MYH7: variants seen among roughly 807,000 people sequenced by gnomAD.
MYH7 encodes the protein myosin heavy chain 7.
In MYH7, 129 loss-of-function variants were observed where a neutral mutation model predicts 225.4. The ratio of observed to expected loss-of-function variants is 0.57; its 90% CI spans 0.50 to 0.66. The LOEUF (loss-of-function observed/expected upper bound fraction) is 0.66, where lower values mean the gene tolerates loss of function less well. Ranked by LOEUF, MYH7 falls within the 30% of genes least tolerant of loss-of-function variation. The pLI, the probability that MYH7 is intolerant of heterozygous loss-of-function variation, is 0.00. For synonymous variants in MYH7, 971 were observed against 1,007.6 expected (o/e 0.96, Z 0.69); for missense variants, 1,649 against 2,517.0 (o/e 0.66, Z 7.38).
chr14:23,434,370 G>A (rs1185284589), intron 1 of MYH7, 121 bp from the exon 2 acceptor site: 1 of 626,498 alleles, frequency 1.6e-6, no homozygotes, highest in Non-Finnish European at 2.0e-6. Flanking sequence ...AGGTGGAAAG[G>A]GTGGTCAGCT....
Position 23,425,878 on chromosome 14 carries a change from A to C in MYH7, c.2163-60T>G, listed in dbSNP as rs1892677551. The C allele has an allele frequency of 6.2e-7, 1 of 1,613,084 alleles. No homozygotes were observed. Among genetic ancestry groups the C allele is most frequent in the Admixed American group, 1.7e-5 (1 of 60,020 alleles). On this transcript the variant is annotated intron_variant, in intron 19 of 39. Transcript: ENST00000355349. This position sits in a 1 kb window ranked among gnomAD's most constrained non-coding sequence, Gnocchi z 4.6. Reference sequence around the variant, plus strand: ...TGCAGTGATCTGCTCTGCCCATAGAATTCCAGGGTCACCTGCAGATCCCAT... The same window carrying C: ...TGCAGTGATCTGCTCTGCCCATAGACTTCCAGGGTCACCTGCAGATCCCAT...
At position 23,433,399 on chromosome 14, in the gene MYH7, G is replaced by A; in HGVS notation, c.201+133C>T. On this transcript the variant is annotated intron_variant, in intron 3 of 39. Coordinates refer to ENST00000355349, the MANE Select transcript of MYH7 (RefSeq NM_000257.4). The surrounding 1 kb of genome is among the most constrained non-coding windows in gnomAD (Gnocchi z 4.1). ...AGGAGAGGGCTCTTTGGAGGGTCTG[G>A]ATTCTTCCCCAAAGGGAAGGAGAAT... 1.4e-6 allele frequency: 2 copies of A among 1,425,674 alleles called. No homozygotes were observed. The highest frequency in any genetic ancestry group is 2.0e-6 in the Non-Finnish European group (2 of 1,024,332). 88.3% of individuals were successfully genotyped at this position (1,425,674 alleles called of 1,614,324 possible).
chr14:23,423,939 C>G lies in MYH7; in HGVS notation c.2890G>C (p.Val964Leu), dbSNP rs45496496. 1,343 of 1,614,220 alleles carry G rather than the reference C, an allele frequency of 8.3e-4. 1 individual carries two copies. Among genetic ancestry groups the G allele is most frequent in the Non-Finnish European group, 1.1e-3 (1,256 of 1,180,048 alleles). Residue 964 changes from valine (V) to leucine (L), a missense_variant, in exon 23 of 40, where the codon GTG (valine) becomes CTG (leucine). Val to Leu is a conservative substitution (Grantham distance 32). Coordinates refer to ENST00000355349, the MANE Select transcript of MYH7 (RefSeq NM_000257.4). The part of the protein sequence containing the change: ...IDDLELTLAK[V>L]EKEKHATENK... ...TCTGTTGCGTGTTTCTCCTTCTCCA[C>G]TTTGGCCAGTGTCAGCTCCAGATCA... is the stretch of plus-strand genomic sequence containing the variant.
chr14:23,416,334 G>A (rs372362265), intron 33 of MYH7, 22 bp from the exon 34 acceptor site: 2 of 1,609,724 alleles, frequency 1.2e-6, no homozygotes. Context: ...TTGGGGGAGG[G>A]GATGCAGGCA....
At chr14:23,418,643 G>A (rs1214712633) in intron 29 of MYH7, among the ~76,000 whole-genome samples, 2 of 152,212 alleles carry the variant, frequency 1.3e-5, no homozygotes, top group African/African-American at 2.4e-5. Context: ...CACCAGACAT[G>A]GTCATCATCA....
chr14:23,430,510 C>G, intron 11 of MYH7, 50 bp downstream of exon 11: 1 of 1,453,708 alleles, frequency 6.9e-7, no homozygotes, highest in Non-Finnish European at 9.6e-7. Context: ...CCCCTGTTTG[C>G]CCCTCACTGC....
Position 23,419,968 on chromosome 14 carries a change from G to A in MYH7, c.3603C>T (p.Ala1201=), listed in dbSNP as rs201576345. 1 of 1,606,416 alleles carries A rather than the reference G, an allele frequency of 6.2e-7. No individual in the cohort carries two copies. Among genetic ancestry groups the A allele is most frequent in the South Asian group, 1.1e-5 (1 of 90,902 alleles). Residue 1201 remains alanine (A), a synonymous_variant, in exon 27 of 40, where the codon GCC becomes GCT. Coordinates refer to ENST00000355349, the MANE Select transcript of MYH7 (RefSeq NM_000257.4). ...GGTTGTCGATCTGCTCGCCCAGCTC[G>A]GCCACGCTGTCGGCGTGCTTCTTGC... ...ALRKKHADSV[A]ELGEQIDNLQ... is the part of the protein sequence containing the mutation.
Position 23,420,044 on chromosome 14 carries a change from C to T in MYH7, c.3527G>A (p.Arg1176Gln). The change falls in exon 27 of 40, where the codon CGG becomes CAG. Residue 1176 changes from arginine (R) to glutamine (Q), a missense_variant. Arg to Gln is a conservative substitution (Grantham distance 43). Coordinates refer to ENST00000355349, the MANE Select transcript of MYH7 (RefSeq NM_000257.4). ...KREAEFQKMR[R>Q]DLEEATLQHE... ...CTGCAGCGTGGCCTCCTCCAGGTCC[C>T]GCCGCATCTTCTGGAACTCGGCCTC... is the stretch of plus-strand genomic sequence containing the variant. 6.3e-7 allele frequency: 1 copy of T among 1,580,868 alleles called. No individual in the cohort carries two copies. Among genetic ancestry groups the T allele is most frequent in the Non-Finnish European group, 8.6e-7 (1 of 1,159,596 alleles).
In MYH7 at chr14:23,426,101, G is replaced by A. The variant is rs773185645; in HGVS notation, c.2045-20C>T. ...TCACCCCTGTGGCAAGAAGGAAGTA[G>A]GAGGAGTCTGTGAGAACACTGGACT... On this transcript the variant is annotated intron_variant, in intron 18 of 39. Coordinates refer to ENST00000355349, the MANE Select transcript of MYH7 (RefSeq NM_000257.4). 8.1e-6 allele frequency: 13 copies of A among 1,613,696 alleles called. No individual in the cohort carries two copies. Among genetic ancestry groups the A allele is most frequent in the Non-Finnish European group, 1.1e-5 (13 of 1,179,748 alleles).
At chr14:23,419,342 C>T in intron 28 of MYH7, 47 bp from the exon 29 acceptor site, 2 of 1,612,780 alleles carry the variant, frequency 1.2e-6, no homozygotes, top group South Asian at 1.1e-5. Flanking sequence ...ATCCCCACCT[C>T]CTCCTCTAGC....
rs730880159 is a variant in MYH7 at position 23,429,031 on chromosome 14, T to A, written c.1331A>T (p.Asn444Ile). 1 of 1,614,190 alleles carries A rather than the reference T, an allele frequency of 6.2e-7. No homozygotes were observed. ...RMFNWMVTRI[N>I]ATLETKQPRQ... ...TGGCTGCTTGGTCTCCAGGGTGGCA[T>A]TGATGCGCGTCACCATCCAGTTGAA... The change falls in exon 14 of 40, where the codon AAT becomes ATT. Residue 444 changes from asparagine to isoleucine, a missense_variant. Transcript: ENST00000355349.
rs2284651 is a variant in MYH7 at position 23,412,935 on chromosome 14, T to C, written c.5791-64A>G. The C allele has an allele frequency of 0.37, 580,783 of 1,562,884 alleles. 115,125 individuals are homozygous for C. The highest frequency in any genetic ancestry group is 0.69 in the African/African-American group (51,093 of 73,942). Reference sequence around the variant, plus strand: ...GATGGTATTGGGCAGGGACAGGGCATGGGAACAAAGGTGAGAGGGGTCTGA... The same window carrying C: ...GATGGTATTGGGCAGGGACAGGGCACGGGAACAAAGGTGAGAGGGGTCTGA... On this transcript the variant is annotated intron_variant, in intron 39 of 39. Transcript: ENST00000355349.
At chr14:23,418,088 G>A (rs779398943) in intron 30 of MYH7, 122 bp downstream of exon 30, 2 of 1,433,980 alleles carry the variant, frequency 1.4e-6, no homozygotes, top group South Asian at 2.3e-5. Flanking sequence ...CCGGGGCAGA[G>A]TCCTCCTGTG....
rs138932714 is a variant in MYH7 at position 23,432,745 on chromosome 14, C to A, written c.396G>T (p.Pro132=). ...CAGCCACCACCTCAGGAGTGTACAC[C>A]GGCAGCCACTTGTAAGGGTTGACGG... ...CVTVNPYKWL[P]VYTPEVVAAY... is the part of the protein sequence containing the mutation. The change falls in exon 5 of 40, where the codon CCG becomes CCT. Residue 132 remains proline (P), a synonymous_variant. Transcript: ENST00000355349. The A allele has an allele frequency of 9.5e-5, 154 of 1,614,092 alleles. No homozygotes were observed. Among genetic ancestry groups the A allele is most frequent in the Admixed American group, 2.5e-4 (15 of 60,010 alleles).
At chr14:23,427,563 G>T in intron 16 of MYH7, 22 bp downstream of exon 16, 4 of 1,613,096 alleles carry the variant, frequency 2.5e-6, no homozygotes, top group Non-Finnish European at 3.4e-6. Flanking sequence ...CCTCTGTACC[G>T]GGAGCCTCAG....
In MYH7 at chr14:23,415,180, C is replaced by T. The variant is rs770389433; in HGVS notation, c.5374G>A (p.Asp1792Asn). 6.2e-7 allele frequency: 1 copy of T among 1,614,258 alleles called. No individual in the cohort carries two copies. Among genetic ancestry groups the T allele is most frequent in the South Asian group, 1.1e-5 (1 of 91,090 alleles). The part of the protein sequence containing the change: ...MKKNMEQTIK[D>N]LQHRLDEAEQ... ...GCTTCGTCCAGCCGGTGCTGCAGGT[C>T]CTTAATGGTCTGTTCCATGTTCTTC... Residue 1792 changes from aspartate to asparagine, a missense_variant, in exon 37 of 40, where the codon GAC becomes AAC. By Grantham distance (23) the Asp-to-Asn change is conservative (BLOSUM62 1). This residue lies in a region of MYH7 where 687 missense variants were observed against 913.8 expected (regional missense o/e 0.75). Transcript: ENST00000355349. The surrounding 1 kb of genome is among the most constrained non-coding windows in gnomAD (Gnocchi z 6.3).
rs760355636 is a variant in MYH7, at chr14:23,415,547, A to G, written c.5158-41T>C. Reference sequence around the variant, plus strand: ...GTTGGGCAGAGCAGGAAAAGCATTGAGCATCTATGCATAGCTCTCAAGCCT... The same window carrying G: ...GTTGGGCAGAGCAGGAAAAGCATTGGGCATCTATGCATAGCTCTCAAGCCT... On this transcript the variant is annotated intron_variant, in intron 35 of 39. Coordinates refer to ENST00000355349, the MANE Select transcript of MYH7 (RefSeq NM_000257.4). The surrounding 1 kb of genome is among the most constrained non-coding windows in gnomAD (Gnocchi z 6.3). The G allele has an allele frequency of 5.0e-6, 8 of 1,613,882 alleles. No homozygotes were observed. In the African/African-American group the frequency reaches 1.1e-4, roughly 22 times the overall value.
chr14:23,420,368 G>T, intron 26 of MYH7, 134 bp from the exon 27 acceptor site: 1 of 1,513,674 alleles, frequency 6.6e-7, no homozygotes, highest in Non-Finnish European at 8.9e-7. Context: ...GGAATTAAAG[G>T]ATTTGGGGAA....
rs779713933 is a variant in MYH7 at position 23,415,145 on chromosome 14, G to A, written c.5409C>T (p.Ile1803=). The A allele has an allele frequency of 1.2e-5, 19 of 1,614,178 alleles. No individual in the cohort carries two copies. In the South Asian group the frequency reaches 1.6e-4, roughly 14 times the overall value. Residue 1803 remains isoleucine, a synonymous_variant, in exon 37 of 40, where the codon ATC becomes ATT. Coordinates refer to ENST00000355349, the MANE Select transcript of MYH7 (RefSeq NM_000257.4). The surrounding 1 kb of genome is among the most constrained non-coding windows in gnomAD (Gnocchi z 6.3). ...LQHRLDEAEQ[I]ALKGGKKQLQ... ...GCTGCTTCTTGCCGCCCTTGAGGGC[G>A]ATCTGCTCGGCTTCGTCCAGCCGGT... is the stretch of plus-strand genomic sequence containing the variant.
Sources: gnomAD v4.1 joint callset for allele counts (sites outside exome capture counted in the v4.1 genomes callset) on GRCh38, gnomAD v4.1.1 for gene constraint, gnomAD v4.1.1 regional missense constraint, Gnocchi (gnomAD v3.1) non-coding constraint, MANE v1.5 for transcripts, NCBI Gene and HGNC (gene_info 2026-07-23, HGNC 2026-07-21) for gene names.